Variants in ZNF385A observed in about 807,000 individuals in gnomAD.
ZNF385A encodes the protein hematopoietic zinc finger protein.
ZNF385A carries 14 observed loss-of-function variants against 32.1 expected under a neutral mutation model. That is an observed-to-expected ratio of 0.44 (90% CI 0.29 to 0.68). ZNF385A has a LOEUF of 0.68. Ranked by LOEUF, ZNF385A falls within the 30% of genes least tolerant of loss-of-function variation. ZNF385A has a pLI of 0.14. For missense variants in ZNF385A, 406 were observed against 478.4 expected (o/e 0.85, Z 1.41); for synonymous variants, 197 against 202.7 (o/e 0.97, Z 0.24).
chr12:54,379,829 G>A, intron 1 of ZNF385A, among the ~76,000 whole-genome samples: 1 of 152,216 alleles, frequency 6.6e-6, no homozygotes, highest in East Asian at 1.9e-4. Flanking sequence ...CCCACGCTTC[G>A]TGCACCTGCT....
At chr12:54,385,510 C>T (rs965280579), upstream of ZNF385A, among the ~76,000 whole-genome samples, 1 of 152,148 alleles carries the variant, frequency 6.6e-6, no homozygotes, top group African/African-American at 2.4e-5. Context: ...GAGTTCTGGC[C>T]GCCCTTCACT....
At chr12:54,391,144 C>G in intron 1 of ZNF385A, 2 of 1,367,762 alleles carry the variant, frequency 1.5e-6, no homozygotes, top group Non-Finnish European at 1.9e-6. Flanking sequence ...CCGCAGTCAC[C>G]GCGGTGCCGG....
intron 2 of ZNF385A, among the ~76,000 whole-genome samples, chr12:54,374,967 G>A (rs927610950): frequency 7.9e-5 from 12 of 152,128 alleles, no homozygotes; most frequent in African/African-American, 2.9e-4. Flanking sequence ...GAGGCACAGG[G>A]TCACCCAGAC....
intron 1 of ZNF385A, among the ~76,000 whole-genome samples, chr12:54,376,716 C>A (rs1183340047): frequency 6.6e-6 from 1 of 152,198 alleles, no homozygotes; most frequent in East Asian, 1.9e-4. Context: ...CCTGTCCCCA[C>A]CCTGGGTCAG....
At chr12:54,384,356 G>A (rs989137584) in intron 1 of ZNF385A, 72 bp downstream of exon 1, 31 of 1,473,156 alleles carry the variant, frequency 2.1e-5, no homozygotes, top group Admixed American at 1.5e-4. Context: ...CAGAAGAAGA[G>A]GGCAGAGGTG....
At chr12:54,378,541 T>A (rs1248063371) in intron 1 of ZNF385A, among the ~76,000 whole-genome samples, 1 of 152,046 alleles carries the variant, frequency 6.6e-6, no homozygotes, top group Non-Finnish European at 1.5e-5. Context: ...TATATTTCCT[T>A]CCATTGCCCT....
chr12:54,381,791 C>T (rs560063732), intron 1 of ZNF385A, among the ~76,000 whole-genome samples: 29 of 152,294 alleles, frequency 1.9e-4, no homozygotes, highest in South Asian at 1.0e-3. Flanking sequence ...AGGTTAAATC[C>T]CTTTTTCCTC....
intron 1 of ZNF385A, chr12:54,379,167 G>C (rs1180043402): frequency 3.1e-6 from 3 of 980,816 alleles, no homozygotes; most frequent in Non-Finnish European, 3.6e-6. Context: ...CGCGGCGCTC[G>C]TTGCCCGGGC....
chr12:54,371,752 T>A (rs756740311), intron 3 of ZNF385A, 37 bp from the exon 4 acceptor site: 6 of 1,608,756 alleles, frequency 3.7e-6, no homozygotes, highest in African/African-American at 1.3e-5. Context: ...TCACCCTAGA[T>A]GGCTCTTGGA....
rs2137145795 is a variant in ZNF385A at position 54,369,963 on chromosome 12, G to A, written c.*293C>T. On this transcript the variant is annotated 3_prime_UTR_variant, in exon 7 of 7. Coordinates refer to ENST00000394313, the MANE Select transcript of ZNF385A (RefSeq NM_015481.3). The stretch of plus-strand genomic sequence containing the variant: ...TGGGGGGAAGGGCTGGATGGACATG[G>A]CTTTTGGGAGGGGGGGTGTCTCCAA... The A allele has an allele frequency of 5.8e-6, 2 of 342,960 alleles. No individual in the cohort carries two copies. The highest frequency in any genetic ancestry group is 2.7e-4 in the South Asian group (2 of 7,480). 21.2% of individuals were successfully genotyped at this position (342,960 alleles called of 1,614,324 possible).
At chr12:54,391,150 G>A in intron 1 of ZNF385A, 1 of 1,403,412 alleles carries the variant, frequency 7.1e-7, no homozygotes. Context: ...TCACCGCGGT[G>A]CCGGGAGATG....
Position 54,370,152 on chromosome 12 carries a change from A to T in ZNF385A, c.*104T>A. ...TATCTCGGGGTGGGGGGGGGGAAGG[A>T]GAGATCATTTAGGGAGTGCCGGGAG... On this transcript the variant is annotated 3_prime_UTR_variant, in exon 7 of 7. Transcript: ENST00000394313. The surrounding 1 kb of genome is among the most constrained non-coding windows in gnomAD (Gnocchi z 5.5). 6 of 690,452 alleles carry T rather than the reference A, an allele frequency of 8.7e-6. No individual in the cohort carries two copies. The highest frequency in any genetic ancestry group is 1.3e-5 in the Non-Finnish European group (6 of 467,108). 42.8% of individuals were successfully genotyped at this position (690,452 alleles called of 1,614,324 possible).
intron 1 of ZNF385A, among the ~76,000 whole-genome samples, chr12:54,382,003 C>T (rs1334245999): frequency 6.6e-6 from 1 of 152,000 alleles, no homozygotes; most frequent in Non-Finnish European, 1.5e-5. Context: ...TCCCGTGTCC[C>T]TGACACCAGG....
In ZNF385A at chr12:54,372,220, A is replaced by G. The variant is rs142407122; in HGVS notation, c.362-505T>C. On this transcript the variant is annotated intron_variant, in intron 3 of 6. Coordinates refer to ENST00000394313, the MANE Select transcript of ZNF385A (RefSeq NM_015481.3). Reference sequence around the variant, plus strand: ...CATCAGAACCGGAGAGGGAAGAAACAGGGATGTAGGCTGCTCTATAATTCA... The same window carrying G: ...CATCAGAACCGGAGAGGGAAGAAACGGGGATGTAGGCTGCTCTATAATTCA... 7.0e-4 allele frequency among the ~76,000 whole-genome samples: 106 copies of G among 152,362 alleles called. 1 individual carries two copies. The highest frequency in any genetic ancestry group is 2.5e-3 in the African/African-American group (103 of 41,592).
In ZNF385A at chr12:54,370,591, C is replaced by A. The variant is rs1954482908; in HGVS notation, c.870+35G>T. 5 of 1,571,388 alleles carry A rather than the reference C, an allele frequency of 3.2e-6. No individual in the cohort carries two copies. Among genetic ancestry groups the A allele is most frequent in the Non-Finnish European group, 4.3e-6 (5 of 1,157,992 alleles). ...TCCCTCTCTCCTCCCCGCCCGCGCCCTCCCACTGCTGAATTCCCAGCATCC... is the reference window on the plus strand; with the variant it reads ...TCCCTCTCTCCTCCCCGCCCGCGCCATCCCACTGCTGAATTCCCAGCATCC... On this transcript the variant is annotated intron_variant, in intron 6 of 6. Coordinates refer to ENST00000394313, the MANE Select transcript of ZNF385A (RefSeq NM_015481.3). The surrounding 1 kb of genome is among the most constrained non-coding windows in gnomAD (Gnocchi z 5.5).
intron 1 of ZNF385A, among the ~76,000 whole-genome samples, chr12:54,382,037 T>C (rs929567809): frequency 7.2e-5 from 11 of 151,900 alleles, no homozygotes; most frequent in African/African-American, 2.7e-4. Context: ...ACATAGTAGG[T>C]GCTCAAAAAA....
chr12:54,378,398 A>T (rs939620960), intron 1 of ZNF385A, among the ~76,000 whole-genome samples: 5 of 152,138 alleles, frequency 3.3e-5, no homozygotes, highest in Middle Eastern at 3.2e-3. Context: ...TCCATAAAAC[A>T]GTCCCCTCCC....
intron 2 of ZNF385A, among the ~76,000 whole-genome samples, chr12:54,374,568 G>A (rs539151975): frequency 6.6e-6 from 1 of 152,286 alleles, no homozygotes; most frequent in Non-Finnish European, 1.5e-5. Flanking sequence ...TTCACCCTGA[G>A]GCTGGAAGTC....
intron 1 of ZNF385A, chr12:54,379,104 GT>G: frequency 2.0e-6 from 2 of 981,948 alleles, no homozygotes; most frequent in Non-Finnish European, 2.4e-6. Context: ...ATGGCCCGGG[GT>G]GGCGGACCCG....
Sources: gnomAD v4.1 joint callset for allele counts (sites outside exome capture counted in the v4.1 genomes callset) on GRCh38, gnomAD v4.1.1 for gene constraint, Gnocchi (gnomAD v3.1) non-coding constraint, MANE v1.5 for transcripts, NCBI Gene and HGNC (gene_info 2026-07-23, HGNC 2026-07-21) for gene names.